NCOA2: variants seen among roughly 807,000 people sequenced by gnomAD.
NCOA2 encodes nuclear receptor coactivator 2, also known as class E basic helix-loop-helix protein 75.
Under a neutral mutation model 145.1 loss-of-function variants are expected in NCOA2, and 21 were observed. The observed-to-expected ratio is 0.14, with a 90% CI of 0.10 to 0.21. The LOEUF is 0.21. Ranked by LOEUF, NCOA2 falls within the 10% of genes least tolerant of loss-of-function variation. NCOA2 has a pLI of 1.00. For synonymous variants in NCOA2, 619 were observed against 637.5 expected, an observed-to-expected ratio of 0.97 and a Z score of 0.44; for missense variants, 1,472 against 1,837.6, an observed-to-expected ratio of 0.80 and a Z score of 3.64.
intron 1 of NCOA2, among the ~76,000 whole-genome samples, chr8:70,356,866 T>C (rs542802328): frequency 1.3e-5 from 2 of 152,238 alleles, no homozygotes; most frequent in African/African-American, 2.4e-5. Flanking sequence ...AGACTACTTG[T>C]TTTTACATAA....
chr8:70,382,834 C>T (rs914185509), intron 1 of NCOA2, among the ~76,000 whole-genome samples: 3 of 152,168 alleles, frequency 2.0e-5, no homozygotes, highest in African/African-American at 7.2e-5. Context: ...ACTGTAGGAT[C>T]AGCCGTGTTA....
chr8:70,229,409 A>G (rs1443779516), intron 2 of NCOA2, among the ~76,000 whole-genome samples: 2 of 152,228 alleles, frequency 1.3e-5, no homozygotes, highest in Non-Finnish European at 2.9e-5. Context: ...AGAGTAGGCA[A>G]AGGTTTTATG....
At chr8:70,440,558 G>C in the NCOA2 span, among the ~76,000 whole-genome samples, 96 of 151,974 alleles carry the variant, frequency 6.3e-4, no homozygotes, top group African/African-American at 2.2e-3. Flanking sequence ...GGGTGGCAGA[G>C]TGAGATAAGG....
intron 20 of NCOA2, among the ~76,000 whole-genome samples, chr8:70,124,296 T>C (rs915658265): frequency 1.8e-4 from 27 of 151,792 alleles, no homozygotes; most frequent in Admixed American, 1.7e-3. Flanking sequence ...ATTCTGTGTG[T>C]TGCTGTGATA....
chr8:70,219,716 G>C (rs1819978163), intron 2 of NCOA2, among the ~76,000 whole-genome samples: 2 of 152,208 alleles, frequency 1.3e-5, no homozygotes, highest in South Asian at 2.1e-4. Flanking sequence ...TGCAGTCTTA[G>C]AGCAGACACA....
At chr8:70,347,484 TAA>T (rs1029525985) in intron 1 of NCOA2, among the ~76,000 whole-genome samples, 1 of 137,308 alleles carries the variant, frequency 7.3e-6, no homozygotes. Context: ...GACTCCATCT[TAA>T]AAAAAAAAAG....
chr8:70,322,363 G>C (rs1209894136), intron 1 of NCOA2, among the ~76,000 whole-genome samples: 1 of 152,086 alleles, frequency 6.6e-6, no homozygotes, highest in Non-Finnish European at 1.5e-5. Context: ...CAGATAAATA[G>C]TTGTGGTTGC....
chr8:70,268,337 T>C (rs190778829), intron 2 of NCOA2, among the ~76,000 whole-genome samples: 2 of 152,326 alleles, frequency 1.3e-5, no homozygotes, highest in African/African-American at 4.8e-5. Flanking sequence ...GTAGACCATC[T>C]AGCTTACATT....
At chr8:70,218,085 G>A (rs932592196) in intron 2 of NCOA2, among the ~76,000 whole-genome samples, 2 of 152,018 alleles carry the variant, frequency 1.3e-5, no homozygotes, top group Admixed American at 1.3e-4. Flanking sequence ...GGAACATAAC[G>A]CGTACCAGTC....
chr8:70,159,525 T>C lies in NCOA2; in HGVS notation c.1104A>G (p.Ile368Met). The change falls in exon 10 of 23, where the codon ATA (isoleucine) becomes ATG (methionine). Residue 368 changes from isoleucine to methionine, a missense_variant. This residue lies in a region of NCOA2 where 284 missense variants were observed against 467.8 expected (regional missense o/e 0.61). Coordinates refer to ENST00000452400, the MANE Select transcript of NCOA2 (RefSeq NM_006540.4). ...ATTACCTGTGAAGCATATGTAAAGATATTACAAGTTGAGGTTCATTAGTAG... is the reference window on the plus strand; with the variant it reads ...ATTACCTGTGAAGCATATGTAAAGACATTACAAGTTGAGGTTCATTAGTAG... ...SQTTNEPQLV[I>M]SLHMLHREQN... 6.2e-7 allele frequency: 1 copy of C among 1,609,966 alleles called. No individual in the cohort carries two copies. Among genetic ancestry groups the C allele is most frequent in the Non-Finnish European group, 8.5e-7 (1 of 1,176,604 alleles).
chr8:70,191,956 C>T (rs765639841), intron 4 of NCOA2, among the ~76,000 whole-genome samples: 6 of 152,082 alleles, frequency 3.9e-5, no homozygotes, highest in Non-Finnish European at 7.4e-5. Flanking sequence ...GCAGGAGAAC[C>T]GCTTGAACCT....
intron 1 of NCOA2, among the ~76,000 whole-genome samples, chr8:70,326,874 GAAAC>G (rs1806633549): frequency 6.6e-6 from 1 of 152,162 alleles, no homozygotes; most frequent in Non-Finnish European, 1.5e-5. Flanking sequence ...ACAAAATGCA[GAAAC>G]AGTCTTTTAA....
At chr8:70,307,105 T>G (rs1048843677) in intron 1 of NCOA2, among the ~76,000 whole-genome samples, 1 of 150,808 alleles carries the variant, frequency 6.6e-6, no homozygotes, top group Non-Finnish European at 1.5e-5. Context: ...ATCAAGAAGA[T>G]ACTTTCTAAA....
intron 1 of NCOA2, among the ~76,000 whole-genome samples, chr8:70,311,284 G>T (rs866089422): frequency 6.6e-6 from 1 of 152,146 alleles, no homozygotes. Flanking sequence ...GTGGGGGAAA[G>T]TGGTAACAAG....
At chr8:70,291,915 C>T (rs996780684) in intron 2 of NCOA2, among the ~76,000 whole-genome samples, 3 of 151,740 alleles carry the variant, frequency 2.0e-5, no homozygotes, top group African/African-American at 7.3e-5. Context: ...CTGGCTAACA[C>T]GGTGAAACCC....
At chr8:70,216,846 A>G in intron 2 of NCOA2, 82 bp from the exon 3 acceptor site, 1 of 888,562 alleles carries the variant, frequency 1.1e-6, no homozygotes, top group African/African-American at 1.7e-5. Context: ...CAACAATAAA[A>G]GAATTTTGAC....
intron 1 of NCOA2, among the ~76,000 whole-genome samples, chr8:70,317,741 G>C (rs1043466872): frequency 2.0e-5 from 3 of 152,040 alleles, no homozygotes; most frequent in Non-Finnish European, 2.9e-5. Context: ...CAACCCAGGG[G>C]CATCTATTGG....
At chr8:70,210,026 T>C (rs1818851525) in intron 4 of NCOA2, among the ~76,000 whole-genome samples, 1 of 152,180 alleles carries the variant, frequency 6.6e-6, no homozygotes, top group Admixed American at 6.5e-5. Context: ...TTTATGACTA[T>C]CATACCAAAT....
rs752618584 is a variant in NCOA2, at chr8:70,213,994, A to G, written c.168T>C (p.Asn56=). The G allele has an allele frequency of 1.9e-6, 3 of 1,612,952 alleles. No homozygotes were observed. In the South Asian group the frequency reaches 3.3e-5, roughly 18 times the overall value. ...IEELAELIFA[N]FNDIDNFNFK... ...AGTTAAAGTTGTCTATATCATTAAA[A>G]TTTGCAAAAATCAACTCTGCAAGTT... The change falls in exon 4 of 23, where the codon AAT becomes AAC. Residue 56 remains asparagine (N), a synonymous_variant. Transcript: ENST00000452400.
Sources: allele counts gnomAD v4.1 joint callset (sites outside exome capture counted in the v4.1 genomes callset), GRCh38; gene constraint gnomAD v4.1.1; regional missense constraint gnomAD v4.1.1; transcripts MANE v1.5; gene names NCBI Gene and HGNC (gene_info 2026-07-23, HGNC 2026-07-21).